Variants in GBE1 observed in about 807,000 individuals in gnomAD.
GBE1 encodes the protein 1,4-alpha-glucan-branching enzyme.
GBE1 carries 70 observed loss-of-function variants against 88.8 expected under a neutral mutation model. That is an observed-to-expected ratio of 0.79 (90% confidence interval 0.65 to 0.96). The LOEUF is 0.96. Among genes scored for constraint, GBE1 ranks in the 40% least tolerant of loss-of-function variants. The pLI, the probability that GBE1 is intolerant of heterozygous loss-of-function variation, is 0.00. For missense variants in GBE1, 872 were observed against 871.0 expected (o/e 1.00, Z -0.01); for synonymous variants, 284 against 300.1 (o/e 0.95, Z 0.56).
chr3:81,749,458 G>T (rs1446422331), intron 1 of GBE1, among the ~76,000 whole-genome samples: 1 of 152,182 alleles, frequency 6.6e-6, no homozygotes, highest in East Asian at 1.9e-4. Context: ...AGTTAGGGAT[G>T]GGTGGGGGAG....
intron 1 of GBE1, among the ~76,000 whole-genome samples, chr3:81,738,095 T>C (rs1706295115): frequency 6.6e-6 from 1 of 151,884 alleles, no homozygotes; most frequent in Non-Finnish European, 1.5e-5. Context: ...TCATTTTTTA[T>C]GGCTGCATAG....
intron 2 of GBE1, among the ~76,000 whole-genome samples, chr3:81,692,246 GT>G (rs1287649499): frequency 6.6e-6 from 1 of 152,190 alleles, no homozygotes; most frequent in Non-Finnish European, 1.5e-5. Context: ...CACAGAATAA[GT>G]TTGGAGCCCT....
chr3:81,687,603 C>T (rs868280561), intron 2 of GBE1, among the ~76,000 whole-genome samples: 14 of 152,068 alleles, frequency 9.2e-5, no homozygotes, highest in African/African-American at 2.7e-4. Context: ...AGAGCAGGCT[C>T]GGGGTGTGCA....
At chr3:81,637,038 C>T (rs962242630) in intron 7 of GBE1, among the ~76,000 whole-genome samples, 1 of 152,112 alleles carries the variant, frequency 6.6e-6, no homozygotes, top group Non-Finnish European at 1.5e-5. Context: ...CCTATATATA[C>T]TGTGTCTTTA....
At chr3:81,742,784 A>T (rs2107221672) in intron 1 of GBE1, among the ~76,000 whole-genome samples, 1 of 152,296 alleles carries the variant, frequency 6.6e-6, no homozygotes, top group South Asian at 2.1e-4. Flanking sequence ...CATTGGGAAC[A>T]GCAACCTGAT....
Position 81,535,251 on chromosome 3 carries a change from G to T in GBE1, c.1878C>A (p.Asn626Lys). The change falls in exon 14 of 16, where the codon AAC becomes AAA. Residue 626 changes from asparagine (N) to lysine (K), a missense_variant. Asn to Lys is a moderately conservative substitution (Grantham distance 94). Transcript: ENST00000429644. ...FERAGLLFIF[N>K]FHPSKSYTDY... ...CAGTGTAGCTCTTGCTTGGATGGAA[G>T]TTGAAAATGAAAAGAAGACCTGCTC... 1 of 1,611,524 alleles carries T rather than the reference G, an allele frequency of 6.2e-7. No individual in the cohort carries two copies. Among genetic ancestry groups the T allele is most frequent in the Non-Finnish European group, 8.5e-7 (1 of 1,178,640 alleles).
At chr3:81,747,915 C>T (rs1706440139) in intron 1 of GBE1, among the ~76,000 whole-genome samples, 1 of 152,188 alleles carries the variant, frequency 6.6e-6, no homozygotes, top group Admixed American at 6.5e-5. Context: ...CGCCTGCACC[C>T]AGGTGAAATA....
chr3:81,548,063 C>T (rs1049433389), intron 12 of GBE1, among the ~76,000 whole-genome samples: 9 of 151,406 alleles, frequency 5.9e-5, no homozygotes, highest in African/African-American at 2.2e-4. Flanking sequence ...CAATTCCTGG[C>T]TTAGGAAATG....
At chr3:81,578,175 G>GAT in intron 11 of GBE1, 79 bp from the exon 12 acceptor site, 1 of 955,344 alleles carries the variant, frequency 1.0e-6, no homozygotes, top group Non-Finnish European at 1.5e-6. Context: ...ACAATGCATG[G>GAT]TTACAAATGT....
chr3:81,521,502 A>T (rs1340163516), intron 14 of GBE1, among the ~76,000 whole-genome samples: 3 of 151,602 alleles, frequency 2.0e-5, no homozygotes, highest in Non-Finnish European at 3.0e-5. Context: ...AATTCATTCT[A>T]TAATATTGAA....
intron 9 of GBE1, among the ~76,000 whole-genome samples, chr3:81,587,624 T>A (rs971678098): frequency 6.6e-6 from 1 of 152,160 alleles, no homozygotes; most frequent in African/African-American, 2.4e-5. Context: ...CTACTCCCTG[T>A]TATAGTGTAA....
chr3:81,643,503 A>T (rs1408029194), intron 6 of GBE1, among the ~76,000 whole-genome samples: 1 of 152,178 alleles, frequency 6.6e-6, no homozygotes, highest in East Asian at 1.9e-4. Context: ...CCAAGTAAAT[A>T]AGATGGGTAG....
chr3:81,538,634 A>G (rs1703105160), intron 12 of GBE1, among the ~76,000 whole-genome samples: 1 of 151,998 alleles, frequency 6.6e-6, no homozygotes, highest in Admixed American at 6.6e-5. Flanking sequence ...CCGATGGCAC[A>G]GCTTACTCCT....
At chr3:81,598,520 A>G (rs1397609841) in intron 7 of GBE1, among the ~76,000 whole-genome samples, 1 of 152,020 alleles carries the variant, frequency 6.6e-6, no homozygotes, top group Non-Finnish European at 1.5e-5. Context: ...TAAAATTAAA[A>G]GAATTAATCA....
chr3:81,658,360 C>T (rs9881516), intron 3 of GBE1, among the ~76,000 whole-genome samples: 21,249 of 152,004 alleles, frequency 0.14, 1,605 homozygotes, highest in Non-Finnish European at 0.18. Flanking sequence ...AAAAAAAAGA[C>T]TATTTTTGAG....
chr3:81,729,356 G>A (rs1706156628), intron 1 of GBE1, among the ~76,000 whole-genome samples: 1 of 152,172 alleles, frequency 6.6e-6, no homozygotes, highest in African/African-American at 2.4e-5. Flanking sequence ...TGAGCCTGTA[G>A]AACAGCTCCA....
intron 2 of GBE1, among the ~76,000 whole-genome samples, chr3:81,697,883 G>A (rs1424835133): frequency 1.3e-5 from 2 of 151,804 alleles, no homozygotes; most frequent in Admixed American, 6.6e-5. Flanking sequence ...ACGAAAGACT[G>A]TAACAAGGGA....
At chr3:81,524,567 CTTTGA>C (rs1268419709) in intron 14 of GBE1, among the ~76,000 whole-genome samples, 1 of 151,622 alleles carries the variant, frequency 6.6e-6, no homozygotes, top group African/African-American at 2.4e-5. Context: ...CTTTAATCCA[CTTTGA>C]TTTGTTTTTT....
At chr3:81,709,113 C>T (rs542276426) in intron 1 of GBE1, among the ~76,000 whole-genome samples, 6 of 152,184 alleles carry the variant, frequency 3.9e-5, no homozygotes, top group Admixed American at 3.9e-4. Context: ...CACCTCATTG[C>T]TGCGTAGCAT....
Sources: allele counts gnomAD v4.1 joint callset (sites outside exome capture counted in the v4.1 genomes callset), GRCh38; gene constraint gnomAD v4.1.1; transcripts MANE v1.5; gene names NCBI Gene and HGNC (gene_info 2026-07-23, HGNC 2026-07-21).